Variants in SOS2 observed in about 807,000 individuals in gnomAD.
SOS2 encodes son of sevenless homolog 2.
In SOS2, 65 loss-of-function variants were observed where a neutral mutation model predicts 148.2. The observed-to-expected ratio is 0.44, with a 90% CI of 0.36 to 0.54. The LOEUF (loss-of-function observed/expected upper bound fraction) is 0.54. SOS2 is among the 20% of genes least tolerant of loss of function. The probability of loss-of-function intolerance (pLI) is 0.00; values close to 1 mark genes in which losing one functional copy is unlikely to be tolerated. For missense variants in SOS2, 1,341 were observed against 1,590.2 expected (o/e 0.84, Z 2.67); for synonymous variants, 539 against 537.1 (o/e 1.00, Z -0.05).
intron 13 of SOS2, 74 bp from the exon 14 acceptor site, chr14:50,150,304 A>G: frequency 2.9e-6 from 3 of 1,031,032 alleles, no homozygotes. Context: ...TTAATCCTTA[A>G]CTTTCACCCA....
At chr14:50,201,487 T>C (rs1595018729) in intron 2 of SOS2, among the ~76,000 whole-genome samples, 1 of 135,234 alleles carries the variant, frequency 7.4e-6, no homozygotes, top group African/African-American at 2.8e-5. Flanking sequence ...CAAGCCGAGA[T>C]CATGCCACTG....
intron 14 of SOS2, among the ~76,000 whole-genome samples, chr14:50,147,382 C>A (rs540013711): frequency 6.6e-6 from 1 of 151,518 alleles, no homozygotes; most frequent in Admixed American, 6.6e-5. Flanking sequence ...TATGGTGGTG[C>A]GTGCCTGTAG....
intron 3 of SOS2, among the ~76,000 whole-genome samples, chr14:50,200,059 A>C (rs553188246): frequency 6.8e-4 from 104 of 152,278 alleles, no homozygotes; most frequent in African/African-American, 2.2e-3. Flanking sequence ...CTAATCTAAC[A>C]ACTCTGCCTT....
chr14:50,229,380 T>C (rs1887470540), intron 1 of SOS2, among the ~76,000 whole-genome samples: 1 of 151,984 alleles, frequency 6.6e-6, no homozygotes, highest in African/African-American at 2.4e-5. Context: ...AACTGTGGAA[T>C]ATAACATAGT....
At chr14:50,148,333 T>A (rs2139589006) in intron 14 of SOS2, among the ~76,000 whole-genome samples, 1 of 150,122 alleles carries the variant, frequency 6.7e-6, no homozygotes, top group South Asian at 2.1e-4. Context: ...TCACTTGAAC[T>A]TGGGAGGCAC....
chr14:50,132,826 G>C (rs1264894354), intron 19 of SOS2, among the ~76,000 whole-genome samples: 9 of 152,100 alleles, frequency 5.9e-5, no homozygotes, highest in Admixed American at 5.2e-4. Context: ...AAAACAACCA[G>C]GAAAGCTTCA....
chr14:50,216,057 A>G (rs553438402), intron 1 of SOS2, among the ~76,000 whole-genome samples: 112 of 151,952 alleles, frequency 7.4e-4, no homozygotes, highest in Non-Finnish European at 1.4e-3. Flanking sequence ...ATCAATTAAG[A>G]ATACTGGCAA....
chr14:50,173,643 A>C (rs769035524), intron 8 of SOS2, among the ~76,000 whole-genome samples: 5 of 151,960 alleles, frequency 3.3e-5, no homozygotes, highest in Non-Finnish European at 5.9e-5. Flanking sequence ...GGATGGTCTC[A>C]ATCTCCTGAC....
intron 21 of SOS2, among the ~76,000 whole-genome samples, chr14:50,122,391 C>CTTTTTTTTTTTTTTCTTT (rs1883542725): frequency 4.9e-4 from 43 of 88,240 alleles, no homozygotes; most frequent in African/African-American, 1.8e-3. Flanking sequence ...GAACCCTGGG[C>CTTTTTTTTTTTTTTCTTT]TTTTTTTTTT....
At position 50,228,043 on chromosome 14, in the gene SOS2, ATTTT is replaced by A. The variant is rs5808544; in HGVS notation, c.87+3150_87+3153del. Among the ~76,000 whole-genome samples, 180 of 142,550 alleles carry A rather than the reference ATTTT, an allele frequency of 1.3e-3. 2 individuals are homozygous for A. In the South Asian group the frequency reaches 0.019, roughly 15 times the overall value. 93.5% of individuals were successfully genotyped at this position (142,550 alleles called of 152,430 possible). On this transcript the variant is annotated intron_variant, in intron 1 of 22. Coordinates refer to ENST00000216373, the MANE Select transcript of SOS2 (RefSeq NM_006939.4). ...TTTTCAGCAGATAGAGATGCAAGTA[ATTTT>A]TTTTTTTTTTTTGAGATGGAGTCTC...
In SOS2 at chr14:50,130,759, T is replaced by G. The variant is rs1273822060; in HGVS notation, c.3079A>C (p.Arg1027=). The G allele has an allele frequency of 2.9e-5, 47 of 1,594,724 alleles. No homozygotes were observed. The highest frequency in any genetic ancestry group is 3.8e-5 in the Non-Finnish European group (45 of 1,172,042). ...GATTTTAAGGAAAAAGTTGATTTCC[T>G]AGGCTGAGAAAAGCAAACATAATTA... ...RNCKQPPRFP[R]KSTFSLKSPG... The change falls in exon 20 of 23, where the codon AGG becomes CGG. Residue 1027 remains arginine (R), a synonymous_variant. Coordinates refer to ENST00000216373, the MANE Select transcript of SOS2 (RefSeq NM_006939.4).
chr14:50,182,701 A>T, intron 5 of SOS2, 95 bp from the exon 6 acceptor site: 1 of 941,698 alleles, frequency 1.1e-6, no homozygotes, highest in Non-Finnish European at 1.6e-6. Flanking sequence ...CTCGAGGCAG[A>T]CTGCCTATGG....
At chr14:50,137,602 A>C (rs1884125370) in intron 18 of SOS2, among the ~76,000 whole-genome samples, 1 of 152,184 alleles carries the variant, frequency 6.6e-6, no homozygotes, top group Non-Finnish European at 1.5e-5. Context: ...TTTTCATAGC[A>C]AGACAAATAA....
intron 8 of SOS2, among the ~76,000 whole-genome samples, chr14:50,166,574 G>A (rs976141771): frequency 6.6e-6 from 1 of 152,068 alleles, no homozygotes; most frequent in Non-Finnish European, 1.5e-5. Flanking sequence ...TATATTCCTT[G>A]CTACCTGATA....
chr14:50,212,916 A>G (rs749064371), intron 1 of SOS2, among the ~76,000 whole-genome samples: 4 of 152,194 alleles, frequency 2.6e-5, no homozygotes, highest in Non-Finnish European at 4.4e-5. Context: ...TCAGCCTGGA[A>G]TCCAAGATAC....
At chr14:50,186,960 A>T (rs952009366) in intron 5 of SOS2, among the ~76,000 whole-genome samples, 1 of 152,184 alleles carries the variant, frequency 6.6e-6, no homozygotes, top group Non-Finnish European at 1.5e-5. Flanking sequence ...TTTACTCACG[A>T]TGTAGTTATT....
intron 14 of SOS2, among the ~76,000 whole-genome samples, chr14:50,146,588 A>G (rs1045428806): frequency 5.9e-5 from 9 of 152,054 alleles, no homozygotes; most frequent in Admixed American, 4.6e-4. Context: ...AGAGGGTTGC[A>G]GTGAGCTGAG....
chr14:50,169,865 A>C (rs2139663104), intron 8 of SOS2, among the ~76,000 whole-genome samples: 1 of 152,130 alleles, frequency 6.6e-6, no homozygotes, highest in Non-Finnish European at 1.5e-5. Context: ...TTCAAATTTA[A>C]GCCCCATAAG....
chr14:50,140,281 G>A (rs1355974442), intron 16 of SOS2, among the ~76,000 whole-genome samples: 1 of 152,052 alleles, frequency 6.6e-6, no homozygotes, highest in Non-Finnish European at 1.5e-5. Context: ...AGAAGATCAA[G>A]CAATACAAAA....
Sources: allele counts gnomAD v4.1 joint callset (sites outside exome capture counted in the v4.1 genomes callset), GRCh38; gene constraint gnomAD v4.1.1; transcripts MANE v1.5; gene names NCBI Gene and HGNC (gene_info 2026-07-23, HGNC 2026-07-21).